Variants in MTIF2 observed in about 807,000 individuals in gnomAD.
MTIF2 encodes mitochondrial translational initiation factor 2.
Under a neutral mutation model 83.5 loss-of-function variants are expected in MTIF2, and 71 were observed. The observed-to-expected ratio is 0.85, with a 90% CI of 0.70 to 1.04. MTIF2 has a LOEUF of 1.04. Ranked by LOEUF, MTIF2 falls within the 50% of genes least tolerant of loss-of-function variation. The probability of loss-of-function intolerance (pLI) is 0.00; values close to 1 mark genes in which losing one functional copy is unlikely to be tolerated. For synonymous variants in MTIF2, 319 were observed against 287.1 expected (o/e 1.11, Z -1.12); for missense variants, 957 against 846.5 (o/e 1.13, Z -1.62).
chr2:55,244,285 A>C, intron 10 of MTIF2, 52 bp from the exon 11 acceptor site: 1 of 1,299,902 alleles, frequency 7.7e-7, no homozygotes, highest in Non-Finnish European at 1.1e-6. Context: ...CTTTAAGTAG[A>C]GCAAAGATAT....
Position 55,263,611 on chromosome 2 carries a change from A to G in MTIF2, c.219+29T>C, listed in dbSNP as rs866381499. On this transcript the variant is annotated intron_variant, in intron 4 of 15. Coordinates refer to ENST00000263629, the MANE Select transcript of MTIF2 (RefSeq NM_002453.3). Reference sequence around the variant, plus strand: ...GGTGACAGGGTGAGACTCCATCTCAAAAAAAAAAAAAAAGAAATCTGTAAC... The same window carrying G: ...GGTGACAGGGTGAGACTCCATCTCAGAAAAAAAAAAAAAGAAATCTGTAAC... 3.6e-6 allele frequency: 3 copies of G among 825,216 alleles called. No individual in the cohort carries two copies. In the African/African-American group the frequency reaches 5.4e-5, roughly 15 times the overall value. The allele number at this position is 825,216 out of a possible 1,614,324, so 51.1% of individuals were successfully genotyped here.
At chr2:55,246,253 G>C in intron 10 of MTIF2, 84 bp downstream of exon 10, 2 of 1,192,284 alleles carry the variant, frequency 1.7e-6, no homozygotes, top group South Asian at 1.7e-5. Flanking sequence ...ACAATAACAT[G>C]TAACAAAAAT....
At chr2:55,237,523 A>G in intron 14 of MTIF2, 95 bp from the exon 15 acceptor site, 4 of 1,212,532 alleles carry the variant, frequency 3.3e-6, no homozygotes, top group Non-Finnish European at 4.3e-6. Flanking sequence ...TAAAGGTATG[A>G]CAAAAATCCA....
intron 13 of MTIF2, among the ~76,000 whole-genome samples, chr2:55,241,930 C>G (rs1393642100): frequency 6.6e-6 from 1 of 151,944 alleles, no homozygotes; most frequent in Non-Finnish European, 1.5e-5. Context: ...GGTAGACCAC[C>G]TAGGTCAGGG....
chr2:55,244,890 T>C (rs1483824932), intron 10 of MTIF2, among the ~76,000 whole-genome samples: 1 of 151,440 alleles, frequency 6.6e-6, no homozygotes, highest in Non-Finnish European at 1.5e-5. Context: ...ATACTAAAAA[T>C]ACAAAAATTA....
chr2:55,267,306 G>A (rs1482665817), intron 3 of MTIF2, among the ~76,000 whole-genome samples: 1 of 151,970 alleles, frequency 6.6e-6, no homozygotes, highest in Non-Finnish European at 1.5e-5. Context: ...ACAGGTGCCT[G>A]CCAGCACACC....
chr2:55,265,841 C>T (rs1020559256), intron 3 of MTIF2, among the ~76,000 whole-genome samples: 11 of 152,072 alleles, frequency 7.2e-5, no homozygotes, highest in East Asian at 1.9e-4. Flanking sequence ...AATTGTGGAT[C>T]GAAAATTTTT....
chr2:55,250,422 A>G (rs1184323316), intron 8 of MTIF2, among the ~76,000 whole-genome samples: 2 of 152,112 alleles, frequency 1.3e-5, no homozygotes, highest in Non-Finnish European at 1.5e-5. Flanking sequence ...ATCTCCAAAA[A>G]AAAAAAAAAA....
intron 1 of MTIF2, 118 bp downstream of exon 1, chr2:55,269,051 G>A (rs1052775900): frequency 3.3e-5 from 5 of 152,204 alleles, no homozygotes; most frequent in African/African-American, 1.2e-4. Context: ...AAAGGCTTCC[G>A]AACGCACAAT....
intron 4 of MTIF2, among the ~76,000 whole-genome samples, chr2:55,263,083 G>A (rs572444273): frequency 5.7e-4 from 87 of 152,202 alleles, no homozygotes; most frequent in African/African-American, 1.7e-3. Flanking sequence ...GGACGGTCTC[G>A]AACTCTTGAC....
At chr2:55,266,278 C>T (rs1297058014) in intron 3 of MTIF2, 1 of 152,118 alleles carries the variant, frequency 6.6e-6, no homozygotes, top group Non-Finnish European at 1.5e-5. Flanking sequence ...AATCTCAGCA[C>T]TGTGGGAGGC....
intron 11 of MTIF2, 136 bp downstream of exon 11, chr2:55,243,893 T>G: frequency 1.1e-6 from 1 of 945,192 alleles, no homozygotes; most frequent in Non-Finnish European, 1.5e-6. Context: ...AATGCTAAAA[T>G]AGCACAACTT....
At position 55,243,532 on chromosome 2, in the gene MTIF2, T is replaced by C. The variant is rs565513631; in HGVS notation, c.1448A>G (p.His483Arg). The C allele has an allele frequency of 8.7e-6, 14 of 1,614,020 alleles. No individual in the cohort carries two copies. The highest frequency in any genetic ancestry group is 1.2e-5 in the Non-Finnish European group (14 of 1,180,004). The change falls in exon 12 of 16, where the codon CAT becomes CGT. Residue 483 changes from histidine (H) to arginine (R), a missense_variant. His to Arg is a conservative substitution (Grantham distance 29). This residue lies in a region of MTIF2 where 733 missense variants were observed against 648.7 expected (regional missense o/e 1.13). Transcript: ENST00000263629. ...AHQKAREKYG[H>R]LLWKKRSILR... ...AATTGATCTCTTCTTCCACAGTAGA[T>C]GGCCATACTTCTCACGGGCTTTCTG...
chr2:55,250,067 T>C (rs1243346708), intron 8 of MTIF2, among the ~76,000 whole-genome samples: 2 of 152,112 alleles, frequency 1.3e-5, no homozygotes, highest in Admixed American at 6.6e-5. Flanking sequence ...CACTCCAGCA[T>C]GGGCAACAGA....
intron 14 of MTIF2, among the ~76,000 whole-genome samples, chr2:55,238,124 C>T (rs1342955657): frequency 6.6e-6 from 1 of 150,668 alleles, no homozygotes; most frequent in Non-Finnish European, 1.5e-5. Context: ...GCTCACTGTA[C>T]CCTCAAGCTC....
At chr2:55,245,873 T>C (rs1676659048) in intron 10 of MTIF2, among the ~76,000 whole-genome samples, 1 of 152,166 alleles carries the variant, frequency 6.6e-6, no homozygotes, top group African/African-American at 2.4e-5. Flanking sequence ...ACTCAGTTGT[T>C]AGAGAGTGTA....
At chr2:55,243,383 A>C (rs1676462473) in intron 12 of MTIF2, 33 bp downstream of exon 12, 4 of 1,532,726 alleles carry the variant, frequency 2.6e-6, no homozygotes, top group Admixed American at 2.0e-5. Context: ...TATTCAAAGA[A>C]TGAACTGTAA....
At chr2:55,252,037 C>G (rs1212034391) in intron 8 of MTIF2, among the ~76,000 whole-genome samples, 2 of 152,100 alleles carry the variant, frequency 1.3e-5, no homozygotes, top group East Asian at 3.8e-4. Flanking sequence ...TACATTTGAT[C>G]AGATAAGAAC....
chr2:55,260,003 A>G (rs554115235), intron 5 of MTIF2, among the ~76,000 whole-genome samples: 4 of 152,320 alleles, frequency 2.6e-5, no homozygotes, highest in African/African-American at 4.8e-5. Flanking sequence ...CCACACCAAT[A>G]TAATTTTCCT....
Sources: allele counts gnomAD v4.1 joint callset (sites outside exome capture counted in the v4.1 genomes callset), GRCh38; gene constraint gnomAD v4.1.1; regional missense constraint gnomAD v4.1.1; transcripts MANE v1.5; gene names NCBI Gene and HGNC (gene_info 2026-07-23, HGNC 2026-07-21).